The following GRK7 variants were observed in gnomAD, a reference collection of about 807,000 sequenced individuals.
The protein encoded by GRK7 is G protein-coupled receptor kinase 7.
GRK7 carries 24 observed loss-of-function variants against 34.1 expected under a neutral mutation model. The observed-to-expected ratio is 0.70, with a 90% CI of 0.51 to 0.99. The LOEUF (loss-of-function observed/expected upper bound fraction) is 0.99, where lower values mean the gene tolerates loss of function less well. Ranked by LOEUF, GRK7 falls within the 50% of genes least tolerant of loss-of-function variation. The pLI is 0.00. For synonymous variants in GRK7, 256 were observed against 279.4 expected (o/e 0.92, Z 0.84); for missense variants, 644 against 707.3 (o/e 0.91, Z 1.02).
chr3:141,768,733 C>T (rs939114513), intron 1 of GRK7, among the ~76,000 whole-genome samples: 4 of 152,124 alleles, frequency 2.6e-5, no homozygotes, highest in Non-Finnish European at 5.9e-5. Context: ...CCTCCTCAAT[C>T]CTCTCCAGTC....
chr3:141,774,779 GATT>G (rs72103272), intron 2 of GRK7, among the ~76,000 whole-genome samples, 99 bp downstream of exon 2: 2,944 of 147,836 alleles, frequency 0.02, 45 homozygotes, highest in Non-Finnish European at 0.021. Flanking sequence ...TCACCAGTCA[GATT>G]ATTATTATTA....
At chr3:141,776,938 G>A (rs1559839722) in intron 2 of GRK7, among the ~76,000 whole-genome samples, 1 of 152,180 alleles carries the variant, frequency 6.6e-6, no homozygotes, top group Non-Finnish European at 1.5e-5. Context: ...TTTTGGAGCA[G>A]AAGTTCTTAG....
intron 2 of GRK7, among the ~76,000 whole-genome samples, chr3:141,775,368 C>T (rs761475330): frequency 1.3e-5 from 2 of 151,702 alleles, no homozygotes; most frequent in East Asian, 1.9e-4. Context: ...GCCTGGGCGA[C>T]GACAGAGTGA....
At chr3:141,784,033 CCATGG>C (rs2084684249) in intron 4 of GRK7, among the ~76,000 whole-genome samples, 1 of 152,144 alleles carries the variant, frequency 6.6e-6, no homozygotes, top group Admixed American at 6.5e-5. Flanking sequence ...TCTGAGTCGC[CCATGG>C]ACATGTATCA....
chr3:141,805,514 G>C (rs879827228), intron 4 of GRK7, among the ~76,000 whole-genome samples: 10 of 152,104 alleles, frequency 6.6e-5, no homozygotes, highest in Non-Finnish European at 1.2e-4. Context: ...GATGTAAACC[G>C]GGACTGTCCC....
upstream of GRK7, among the ~76,000 whole-genome samples, chr3:141,759,842 T>G (rs1208593359): frequency 1.4e-5 from 1 of 70,458 alleles, no homozygotes; most frequent in East Asian, 3.6e-4. Context: ...GCTCCTGTTA[T>G]TGGTCTATTC....
chr3:141,780,787 G>A lies in GRK7; in HGVS notation c.1026G>A (p.Lys342=). Residue 342 remains lysine, a synonymous_variant, in exon 4 of 6, where the codon AAG becomes AAA. Transcript: ENST00000682958. ...ACCTGGGGCTGGCCGTGGAGATGAA[G>A]GGTGGCAAGCCCATCACCCAGAGGG... The part of the protein sequence containing the change: ...LSDLGLAVEM[K]GGKPITQRAG... The A allele has an allele frequency of 6.2e-7, 1 of 1,613,876 alleles. No individual in the cohort carries two copies. The highest frequency in any genetic ancestry group is 2.2e-5 in the East Asian group (1 of 44,878).
At chr3:141,771,873 C>T (rs1245367606) in intron 1 of GRK7, among the ~76,000 whole-genome samples, 1 of 150,806 alleles carries the variant, frequency 6.6e-6, no homozygotes, top group African/African-American at 2.4e-5. Context: ...TTAGTAGACA[C>T]AGGGTTTCAC....
intron 4 of GRK7, among the ~76,000 whole-genome samples, chr3:141,786,869 A>T (rs779744867): frequency 3.3e-5 from 5 of 152,124 alleles, no homozygotes; most frequent in Non-Finnish European, 7.3e-5. Context: ...CTATCCTTTC[A>T]ATATGGGCAT....
chr3:141,802,351 TTCTC>T (rs1165791172), intron 4 of GRK7, among the ~76,000 whole-genome samples: 1 of 88,642 alleles, frequency 1.1e-5, no homozygotes, highest in African/African-American at 4.1e-5. Context: ...GAAACTCTCT[TTCTC>T]TCTTTCTCTG....
At chr3:141,752,289 G>A in the GRK7 span, among the ~76,000 whole-genome samples, 1 of 152,118 alleles carries the variant, frequency 6.6e-6, no homozygotes, top group Non-Finnish European at 1.5e-5. Flanking sequence ...GTATAGCATT[G>A]GTTCTCAACC....
chr3:141,784,845 C>T (rs1051686038), intron 4 of GRK7, among the ~76,000 whole-genome samples: 6 of 152,128 alleles, frequency 3.9e-5, no homozygotes, highest in East Asian at 1.9e-4. Flanking sequence ...AGGGCTCTGC[C>T]GCTGTGAATA....
At chr3:141,783,862 G>A (rs1004907503) in intron 4 of GRK7, among the ~76,000 whole-genome samples, 1 of 152,164 alleles carries the variant, frequency 6.6e-6, no homozygotes, top group East Asian at 1.9e-4. Context: ...GGAGGAGCAG[G>A]CCAGGGAGGT....
chr3:141,816,767 C>T lies in GRK7; in HGVS notation c.1379C>T (p.Pro460Leu), dbSNP rs759142740. ...KHHFFKTINF[P>L]RLEAGLIEPP... Reference sequence around the variant, plus strand: ...CATTTCTTTAAAACGATCAACTTTCCTCGCCTGGAAGCTGGCCTAATTGAA... The same window carrying T: ...CATTTCTTTAAAACGATCAACTTTCTTCGCCTGGAAGCTGGCCTAATTGAA... The change falls in exon 6 of 6, where the codon CCT becomes CTT. Residue 460 changes from proline (P) to leucine (L), a missense_variant. Physicochemically the swap from Pro to Leu is moderately conservative, Grantham distance 98. Transcript: ENST00000682958. The T allele has an allele frequency of 6.4e-7, 1 of 1,571,686 alleles. No homozygotes were observed. Among genetic ancestry groups the T allele is most frequent in the Non-Finnish European group, 8.6e-7 (1 of 1,159,648 alleles).
chr3:141,770,641 C>A (rs139782556), intron 1 of GRK7, among the ~76,000 whole-genome samples: 1 of 151,328 alleles, frequency 6.6e-6, no homozygotes, highest in African/African-American at 2.4e-5. Context: ...AAATGGCCAA[C>A]AAGCATATAA....
At chr3:141,783,022 C>T (rs2084679542) in intron 4 of GRK7, among the ~76,000 whole-genome samples, 1 of 152,212 alleles carries the variant, frequency 6.6e-6, no homozygotes, top group Non-Finnish European at 1.5e-5. Flanking sequence ...GGATCTGCAT[C>T]TTTATAATTC....
intron 1 of GRK7, among the ~76,000 whole-genome samples, chr3:141,766,256 C>T (rs948790335): frequency 5.9e-5 from 9 of 151,916 alleles, no homozygotes; most frequent in African/African-American, 1.2e-4. Context: ...CTCTGCCTCA[C>T]GGGTTCACGC....
chr3:141,786,746 C>G (rs1187244808), intron 4 of GRK7, among the ~76,000 whole-genome samples: 1 of 151,660 alleles, frequency 6.6e-6, no homozygotes, highest in Non-Finnish European at 1.5e-5. Flanking sequence ...CCACTGCACT[C>G]CAGCCAGGGT....
chr3:141,807,580 G>A (rs1711048134), intron 4 of GRK7, 65 bp from the exon 5 acceptor site: 4 of 1,413,058 alleles, frequency 2.8e-6, no homozygotes, highest in Non-Finnish European at 3.9e-6. Context: ...AGTCAGCAGT[G>A]TCTGCTACAC....
Sources: allele counts gnomAD v4.1 joint callset (sites outside exome capture counted in the v4.1 genomes callset), GRCh38; gene constraint gnomAD v4.1.1; transcripts MANE v1.5; gene names NCBI Gene and HGNC (gene_info 2026-07-23, HGNC 2026-07-21).